The following CDK6 variants were observed in gnomAD, a reference collection of about 807,000 sequenced individuals.
CDK6 encodes the protein cyclin-dependent kinase 6.
A neutral mutation model predicts 37.1 loss-of-function variants in CDK6; 6 were observed. That is an observed-to-expected ratio of 0.16 (90% CI 0.09 to 0.32). The LOEUF (loss-of-function observed/expected upper bound fraction) is 0.32, where lower values mean the gene tolerates loss of function less well. Among genes scored for constraint, CDK6 ranks in the 10% least tolerant of loss-of-function variants. The probability of loss-of-function intolerance (pLI) is 1.00; values close to 1 mark genes in which losing one functional copy is unlikely to be tolerated. For missense variants in CDK6, 224 were observed against 418.9 expected (o/e 0.53, Z 4.06); for synonymous variants, 160 against 161.3 (o/e 0.99, Z 0.06).
chr7:92,678,287 T>C (rs1797252663), intron 4 of CDK6, among the ~76,000 whole-genome samples: 1 of 152,230 alleles, frequency 6.6e-6, no homozygotes, highest in Non-Finnish European at 1.5e-5. Flanking sequence ...TGCAGTTGTC[T>C]AGTAAGCAAA....
At chr7:92,762,223 TA>T (rs1799473457) in intron 3 of CDK6, among the ~76,000 whole-genome samples, 1 of 152,166 alleles carries the variant, frequency 6.6e-6, no homozygotes, top group African/African-American at 2.4e-5. Context: ...ACATGCTTTT[TA>T]AAAAAGCACT....
At chr7:92,774,640 C>G (rs1006129159) in intron 3 of CDK6, 56 bp downstream of exon 3, 2 of 1,456,556 alleles carry the variant, frequency 1.4e-6, no homozygotes, top group African/African-American at 2.9e-5. Flanking sequence ...AAAGCCATTG[C>G]TTAACAGACT....
chr7:92,772,688 G>A (rs889611526), intron 3 of CDK6, among the ~76,000 whole-genome samples: 1 of 151,866 alleles, frequency 6.6e-6, no homozygotes, highest in Non-Finnish European at 1.5e-5. Context: ...CCTTCTGCCT[G>A]TTCCTTTTCC....
intron 4 of CDK6, among the ~76,000 whole-genome samples, chr7:92,696,820 C>T (rs1156283853): frequency 6.6e-6 from 1 of 152,162 alleles, no homozygotes; most frequent in Non-Finnish European, 1.5e-5. Context: ...GAACTCCTAA[C>T]ACATTTCCTG....
intron 5 of CDK6, among the ~76,000 whole-genome samples, chr7:92,642,301 G>T (rs1444051998): frequency 6.6e-6 from 1 of 152,074 alleles, no homozygotes; most frequent in African/African-American, 2.4e-5. Flanking sequence ...GACCAGCTCT[G>T]GCCTTTGTGG....
intron 5 of CDK6, among the ~76,000 whole-genome samples, chr7:92,635,081 T>C (rs977622592): frequency 1.3e-5 from 2 of 152,202 alleles, no homozygotes; most frequent in African/African-American, 4.8e-5. Context: ...GGATGACTCA[T>C]TGCATTGGAT....
chr7:92,696,841 G>C (rs1452288501), intron 4 of CDK6, among the ~76,000 whole-genome samples: 2 of 152,132 alleles, frequency 1.3e-5, no homozygotes, highest in Admixed American at 1.3e-4. Context: ...TCTTCAAGAG[G>C]ATTAAGATTT....
chr7:92,773,960 G>A (rs1474171601), intron 3 of CDK6, among the ~76,000 whole-genome samples: 1 of 152,138 alleles, frequency 6.6e-6, no homozygotes, highest in African/African-American at 2.4e-5. Flanking sequence ...ATGAAGACCC[G>A]CACATGATGT....
At chr7:92,753,044 A>G (rs1584051595) in intron 3 of CDK6, among the ~76,000 whole-genome samples, 1 of 152,258 alleles carries the variant, frequency 6.6e-6, no homozygotes, top group East Asian at 1.9e-4. Flanking sequence ...CAAAGAAACA[A>G]CCTACTTTAT....
At chr7:92,820,586 CAA>C (rs1801147890) in intron 2 of CDK6, among the ~76,000 whole-genome samples, 1 of 152,072 alleles carries the variant, frequency 6.6e-6, no homozygotes, top group Admixed American at 6.6e-5. Flanking sequence ...AATGGAGAAT[CAA>C]GAGATACTGC....
intron 5 of CDK6, among the ~76,000 whole-genome samples, chr7:92,649,906 C>T (rs1395629553): frequency 2.0e-5 from 3 of 152,202 alleles, no homozygotes; most frequent in African/African-American, 7.2e-5. Context: ...GCCTTCAGAG[C>T]TTAGGAACCA....
chr7:92,788,915 G>A (rs533842754), intron 2 of CDK6, among the ~76,000 whole-genome samples: 1 of 152,114 alleles, frequency 6.6e-6, no homozygotes, highest in Non-Finnish European at 1.5e-5. Flanking sequence ...CTAGGAGTTT[G>A]AGACCTGCCT....
At chr7:92,656,501 A>G (rs888411219) in intron 5 of CDK6, among the ~76,000 whole-genome samples, 12 of 152,226 alleles carry the variant, frequency 7.9e-5, no homozygotes, top group Non-Finnish European at 1.0e-4. Context: ...GAAATTATGT[A>G]GGCATACAAT....
intron 5 of CDK6, among the ~76,000 whole-genome samples, chr7:92,632,802 T>G (rs1258046202): frequency 2.0e-5 from 3 of 152,026 alleles, no homozygotes; most frequent in Non-Finnish European, 4.4e-5. Context: ...CAGATTATCT[T>G]GATTATAAAA....
At chr7:92,668,429 A>C (rs2116596779) in intron 5 of CDK6, among the ~76,000 whole-genome samples, 1 of 152,344 alleles carries the variant, frequency 6.6e-6, no homozygotes, top group Admixed American at 6.5e-5. Context: ...AGAGTAGTAA[A>C]AAAAACCTAC....
chr7:92,755,778 G>A (rs1584054563), intron 3 of CDK6, among the ~76,000 whole-genome samples: 1 of 152,154 alleles, frequency 6.6e-6, no homozygotes, highest in Non-Finnish European at 1.5e-5. Context: ...AACCACATGA[G>A]ATTTATCTCC....
intron 7 of CDK6, among the ~76,000 whole-genome samples, chr7:92,615,601 C>T (rs1237748557): frequency 2.0e-5 from 3 of 152,192 alleles, no homozygotes; most frequent in East Asian, 1.9e-4. Flanking sequence ...GTGCTACAGT[C>T]GGAGACTTCA....
chr7:92,643,739 C>T (rs1179222150), intron 5 of CDK6, among the ~76,000 whole-genome samples: 4 of 152,150 alleles, frequency 2.6e-5, no homozygotes, highest in East Asian at 3.8e-4. Flanking sequence ...TGCTTTATCA[C>T]GAATGGTTTC....
At chr7:92,625,373 G>A (rs1051529217) in intron 5 of CDK6, among the ~76,000 whole-genome samples, 5 of 151,924 alleles carry the variant, frequency 3.3e-5, no homozygotes, top group Non-Finnish European at 7.4e-5. Context: ...TCACATTTAA[G>A]TCTAACAGTC....
Sources: gnomAD v4.1 joint callset for allele counts (sites outside exome capture counted in the v4.1 genomes callset) on GRCh38, gnomAD v4.1.1 for gene constraint, MANE v1.5 for transcripts, NCBI Gene and HGNC (gene_info 2026-07-23, HGNC 2026-07-21) for gene names.